REDIC1: variants seen among roughly 807,000 people sequenced by gnomAD.
The protein encoded by REDIC1 is regulator of DNA class I crossover intermediates 1.
chr12:39,878,749 T>C, the REDIC1 span, among the ~76,000 whole-genome samples: 1 of 152,182 alleles, frequency 6.6e-6, no homozygotes. Flanking sequence ...AGAAAAAAGC[T>C]TTTTTGGGAG....
the REDIC1 span, among the ~76,000 whole-genome samples, chr12:39,833,838 C>A: frequency 6.6e-6 from 1 of 151,004 alleles, no homozygotes; most frequent in East Asian, 1.9e-4. Flanking sequence ...TAATATGGCA[C>A]CTTGGAGCTC....
At chr12:39,834,946 T>A in the REDIC1 span, among the ~76,000 whole-genome samples, 2 of 152,112 alleles carry the variant, frequency 1.3e-5, no homozygotes, top group African/African-American at 2.4e-5. Context: ...CAATGGCATT[T>A]TTAAAAAGGA....
chr12:39,706,249 C>G, the REDIC1 span, among the ~76,000 whole-genome samples: 1 of 151,642 alleles, frequency 6.6e-6, no homozygotes, highest in Non-Finnish European at 1.5e-5. Context: ...AGGAATTAAC[C>G]AAGGAAGTGA....
At chr12:39,669,621 CT>C in the REDIC1 span, among the ~76,000 whole-genome samples, 1 of 152,208 alleles carries the variant, frequency 6.6e-6, no homozygotes, top group South Asian at 2.1e-4. Context: ...ATTCTGCTGC[CT>C]TTTGTTTGTC....
the REDIC1 span, among the ~76,000 whole-genome samples, chr12:39,873,991 A>G: frequency 7.2e-5 from 11 of 152,246 alleles, no homozygotes; most frequent in Non-Finnish European, 1.6e-4. Flanking sequence ...TCCCACAGAT[A>G]TGTTATTAAA....
chr12:39,730,237 C>T, the REDIC1 span, among the ~76,000 whole-genome samples: 2 of 152,142 alleles, frequency 1.3e-5, no homozygotes, highest in Non-Finnish European at 2.9e-5. Context: ...TTAGTTGGCG[C>T]AGTTTCTTCA....
chr12:39,880,506 A>G, the REDIC1 span, among the ~76,000 whole-genome samples: 1 of 152,240 alleles, frequency 6.6e-6, no homozygotes, highest in African/African-American at 2.4e-5. Context: ...ATTTGAGCTA[A>G]CATACTAGTC....
the REDIC1 span, among the ~76,000 whole-genome samples, chr12:39,728,961 G>C: frequency 1.3e-5 from 2 of 152,014 alleles, no homozygotes; most frequent in African/African-American, 4.8e-5. Flanking sequence ...GGTGTTTATA[G>C]TATTCTCTGG....
the REDIC1 span, among the ~76,000 whole-genome samples, chr12:39,671,715 G>C: frequency 2.0e-5 from 3 of 152,138 alleles, no homozygotes; most frequent in African/African-American, 7.2e-5. Context: ...TGGGTGGTGT[G>C]TGTGTGTGGG....
chr12:39,779,538 A>G, the REDIC1 span, among the ~76,000 whole-genome samples: 2 of 152,242 alleles, frequency 1.3e-5, no homozygotes, highest in Non-Finnish European at 2.9e-5. Context: ...CACATAGTCA[A>G]TAGCTCAATA....
At chr12:39,780,106 T>C in the REDIC1 span, among the ~76,000 whole-genome samples, 1 of 152,242 alleles carries the variant, frequency 6.6e-6, no homozygotes, top group African/African-American at 2.4e-5. Context: ...AACGTTTGTA[T>C]AGAGACTTAC....
chr12:39,822,174 G>T, the REDIC1 span, among the ~76,000 whole-genome samples: 3 of 149,464 alleles, frequency 2.0e-5, no homozygotes, highest in East Asian at 6.0e-4. Flanking sequence ...GCGGTGTTTG[G>T]TTTTTTCTTC....
the REDIC1 span, among the ~76,000 whole-genome samples, chr12:39,769,471 T>A: frequency 6.6e-6 from 1 of 152,204 alleles, no homozygotes; most frequent in South Asian, 2.1e-4. Context: ...CATCAATTTT[T>A]CTCTATCAGC....
chr12:39,896,990 G>A, the REDIC1 span, among the ~76,000 whole-genome samples: 98 of 152,206 alleles, frequency 6.4e-4, no homozygotes, highest in Non-Finnish European at 1.4e-3. Context: ...GAGGTGAGGG[G>A]TTTAGTAAAA....
chr12:39,720,179 T>C, the REDIC1 span, among the ~76,000 whole-genome samples: 6 of 152,030 alleles, frequency 3.9e-5, no homozygotes, highest in East Asian at 1.2e-3. Context: ...TATATAACAG[T>C]TGAGATATGT....
the REDIC1 span, chr12:39,745,765 G>A: frequency 6.6e-6 from 1 of 152,198 alleles, no homozygotes; most frequent in Non-Finnish European, 1.5e-5. Flanking sequence ...TTTGATTAAA[G>A]CAGCTATGCT....
chr12:39,720,464 G>A, the REDIC1 span, among the ~76,000 whole-genome samples: 54 of 152,134 alleles, frequency 3.5e-4, no homozygotes, highest in African/African-American at 1.2e-3. Context: ...TGTTGAAAGG[G>A]TAGAGAGATG....
At chr12:39,757,079 A>C in the REDIC1 span, 1 of 151,860 alleles carries the variant, frequency 6.6e-6, no homozygotes, top group Non-Finnish European at 1.5e-5. Context: ...AAAATTATTA[A>C]CGGCAAACCC....
At chr12:39,830,250 C>A in the REDIC1 span, 3 of 1,607,254 alleles carry the variant, frequency 1.9e-6, no homozygotes, top group Non-Finnish European at 1.7e-6. Flanking sequence ...AAAGAGTTAC[C>A]GTCATGTTGG....
Sources: allele counts gnomAD v4.1 joint callset (sites outside exome capture counted in the v4.1 genomes callset), GRCh38; gene constraint gnomAD v4.1.1; transcripts MANE v1.5; gene names NCBI Gene and HGNC (gene_info 2026-07-23, HGNC 2026-07-21).